The following USP37 variants were observed in gnomAD, a reference collection of about 807,000 sequenced individuals.
The protein encoded by USP37 is ubiquitin specific peptidase 37.
In USP37, 27 loss-of-function variants were observed where a neutral mutation model predicts 124.0. The ratio of observed to expected loss-of-function variants is 0.22; its 90% CI spans 0.16 to 0.30. USP37 has a LOEUF of 0.30. USP37 is among the 10% of genes least tolerant of loss of function. The probability of loss-of-function intolerance (pLI) is 1.00; values close to 1 mark genes in which losing one functional copy is unlikely to be tolerated. For missense variants in USP37, 889 were observed against 1,140.4 expected (o/e 0.78, Z 3.17); for synonymous variants, 365 against 388.0 (o/e 0.94, Z 0.70).
chr2:218,497,928 T>C, intron 12 of USP37, 71 bp from the exon 13 acceptor site: 1 of 1,576,590 alleles, frequency 6.3e-7, no homozygotes, highest in Non-Finnish European at 8.6e-7. Flanking sequence ...GAATAATTAC[T>C]AATAATGGCA....
chr2:218,465,571 A>C (rs1690268701), intron 21 of USP37, among the ~76,000 whole-genome samples: 1 of 152,176 alleles, frequency 6.6e-6, no homozygotes, highest in African/African-American at 2.4e-5. Flanking sequence ...TCAAAAAAAG[A>C]AACACTACCC....
intron 2 of USP37, among the ~76,000 whole-genome samples, chr2:218,562,199 G>A (rs1669225958): frequency 6.6e-6 from 1 of 152,160 alleles, no homozygotes. Flanking sequence ...ACTTGGTTAA[G>A]AGTAAAAAAC....
intron 22 of USP37, among the ~76,000 whole-genome samples, chr2:218,460,204 C>A (rs941807927): frequency 2.0e-5 from 3 of 151,064 alleles, no homozygotes; most frequent in African/African-American, 7.3e-5. Context: ...ATTGCAATGA[C>A]CTGAGATTGC....
chr2:218,482,222 G>C lies in USP37; in HGVS notation c.1683C>G (p.Leu561=), dbSNP rs1357662202. 1.2e-6 allele frequency: 2 copies of C among 1,610,730 alleles called. No homozygotes were observed. The highest frequency in any genetic ancestry group is 2.7e-5 in the African/African-American group (2 of 74,806). ...CATTGAAGCTATATCGTTTCAAATG[G>C]AGAATGAGGACCCTGAAAAACAGGA... The part of the protein sequence containing the change: ...KFNRLPRVLI[L]HLKRYSFNVA... Residue 561 remains leucine, a synonymous_variant, in exon 17 of 26, where the codon CTC becomes CTG. Coordinates refer to ENST00000258399, the MANE Select transcript of USP37 (RefSeq NM_020935.3).
rs567084085 is a variant in USP37, at chr2:218,481,933, C to T, written c.1835+137G>A. On this transcript the variant is annotated intron_variant, in intron 17 of 25. Coordinates refer to ENST00000258399, the MANE Select transcript of USP37 (RefSeq NM_020935.3). ...CCTCCCAAAGTGCTGGGATTACAGG[C>T]ATGAGCCACTGCATCTGGCCATTGA... The T allele has an allele frequency of 2.4e-4, 247 of 1,042,112 alleles. 3 individuals are homozygous for T. In the South Asian group the frequency reaches 4.8e-3, roughly 20 times the overall value. The allele number at this position is 1,042,112 out of a possible 1,614,324, so 64.6% of individuals were successfully genotyped here. A position where few individuals can be genotyped will look rare whatever the true frequency, so the allele number is the denominator to read the frequency against.
rs769052426 is a variant in USP37, at chr2:218,549,829, G to C, written c.409C>G (p.Leu137Val). ...RTSQKETSRQ[L>V]SYSDNQASAK... is the part of the protein sequence containing the mutation. ...CATACCTGATTGTCTGAGTAAGAAA[G>C]CTGCCTGCTGGTTTCCTTCTGTGAG... Residue 137 changes from leucine (L) to valine (V), a missense_variant, in exon 6 of 26, where the codon CTT becomes GTT. Physicochemically the swap from Leu to Val is conservative, Grantham distance 32. Transcript: ENST00000258399. 3 of 1,612,918 alleles carry C rather than the reference G, an allele frequency of 1.9e-6. No homozygotes were observed. The highest frequency in any genetic ancestry group is 2.2e-5 in the South Asian group (2 of 90,936).
At chr2:218,485,438 G>A (rs1691500320) in intron 16 of USP37, among the ~76,000 whole-genome samples, 2 of 152,004 alleles carry the variant, frequency 1.3e-5, no homozygotes, top group Admixed American at 1.3e-4. Context: ...ACAGGCGTGA[G>A]CTATCACACC....
chr2:218,464,179 C>T (rs796730193), intron 21 of USP37, among the ~76,000 whole-genome samples: 6 of 151,232 alleles, frequency 4.0e-5, no homozygotes, highest in African/African-American at 1.5e-4. Flanking sequence ...TTTAAAGCTC[C>T]CCAGTAAATT....
intron 10 of USP37, among the ~76,000 whole-genome samples, chr2:218,515,570 G>A (rs142983401): frequency 3.9e-5 from 6 of 152,210 alleles, no homozygotes; most frequent in African/African-American, 9.6e-5. Context: ...ACACTTAAAC[G>A]TAAAACCTAA....
At chr2:218,553,783 C>T in intron 4 of USP37, 59 bp from the exon 5 acceptor site, 1 of 1,479,280 alleles carries the variant, frequency 6.8e-7, no homozygotes, top group Non-Finnish European at 9.1e-7. Flanking sequence ...GTATAACAAT[C>T]TGTATAATAA....
chr2:218,511,453 C>T (rs899110096), intron 10 of USP37, among the ~76,000 whole-genome samples: 16 of 152,172 alleles, frequency 1.1e-4, no homozygotes, highest in African/African-American at 2.9e-4. Flanking sequence ...GGACTACAGG[C>T]GTGCGCCACC....
chr2:218,467,257 G>A (rs1012931398), intron 20 of USP37, among the ~76,000 whole-genome samples: 6 of 127,948 alleles, frequency 4.7e-5, no homozygotes, highest in African/African-American at 1.5e-4. Context: ...CAATTCTCCC[G>A]CCTCAGACTC....
chr2:218,536,381 C>T (rs1369750008), intron 8 of USP37, among the ~76,000 whole-genome samples: 1 of 152,140 alleles, frequency 6.6e-6, no homozygotes, highest in Non-Finnish European at 1.5e-5. Context: ...ATCTTCACAC[C>T]AACTTATGTT....
At chr2:218,559,001 T>TAAAA (rs35129465) in intron 3 of USP37, among the ~76,000 whole-genome samples, 3 of 143,136 alleles carry the variant, frequency 2.1e-5, no homozygotes. Context: ...AAATATAAGT[T>TAAAA]AAAAAAAAAA....
At position 218,474,519 on chromosome 2, in the gene USP37, G is replaced by A. The variant is rs1690857993; in HGVS notation, c.2299+111C>T. The A allele has an allele frequency of 4.8e-6, 7 of 1,454,202 alleles. No homozygotes were observed. The African/African-American group carries it at 5.7e-5, about 12-fold the overall frequency. The allele number at this position is 1,454,202 out of a possible 1,614,324, so 90.1% of individuals were successfully genotyped here. ...TGGGATTAGGGTCACACACCACCAT[G>A]CTCAGCTAATTTTTCTATTTATCTC... is the stretch of plus-strand genomic sequence containing the variant. On this transcript the variant is annotated intron_variant, in intron 20 of 25. Transcript: ENST00000258399.
At chr2:218,482,313 T>C in intron 16 of USP37, 79 bp from the exon 17 acceptor site, 3 of 1,409,716 alleles carry the variant, frequency 2.1e-6, no homozygotes, top group Non-Finnish European at 2.8e-6. Context: ...GATCACTCTA[T>C]GTTAGACGAC....
rs1200254896 is a variant in USP37, at chr2:218,466,045, G to A, written c.2431C>T (p.Leu811Phe). 3 of 1,612,548 alleles carry A rather than the reference G, an allele frequency of 1.9e-6. No individual in the cohort carries two copies. The South Asian group carries it at 3.3e-5, about 18-fold the overall frequency. ...AGGCTCTGAGCCAGTGCCTGCTGAA[G>A]CTCTTGCTCTTCCCTTTCACGCTCC... is the stretch of plus-strand genomic sequence containing the variant. ...DMEREREEQE[L>F]QQALAQSLQE... Residue 811 changes from leucine (L) to phenylalanine (F), a missense_variant, in exon 21 of 26, where the codon CTT (leucine) becomes TTT (phenylalanine). Leu to Phe is a conservative substitution (Grantham distance 22, BLOSUM62 0). Coordinates refer to ENST00000258399, the MANE Select transcript of USP37 (RefSeq NM_020935.3).
chr2:218,464,453 G>T (rs998287640), intron 21 of USP37, among the ~76,000 whole-genome samples: 1 of 151,720 alleles, frequency 6.6e-6, no homozygotes, highest in Non-Finnish European at 1.5e-5. Context: ...GGCCAGGCTG[G>T]TCTAGAACTC....
chr2:218,453,255 T>C lies in USP37; in HGVS notation c.*1675A>G, dbSNP rs943404005. ...TCTGTGATGATGGTTTGTGTTTTTT[T>C]TGTTTTTGTTTTCGTTTTTTTTAAT... On this transcript the variant is annotated 3_prime_UTR_variant, in exon 26 of 26. Coordinates refer to ENST00000258399, the MANE Select transcript of USP37 (RefSeq NM_020935.3). 6.6e-6 allele frequency: 1 copy of C among 152,008 alleles called. No individual in the cohort carries two copies. Among genetic ancestry groups the C allele is most frequent in the Non-Finnish European group, 1.5e-5 (1 of 68,002 alleles). 9.4% of individuals were successfully genotyped at this position (152,008 alleles called of 1,614,324 possible). A position where few individuals can be genotyped will look rare whatever the true frequency, so the allele number is the denominator to read the frequency against.
Sources: gnomAD v4.1 joint callset for allele counts (sites outside exome capture counted in the v4.1 genomes callset) on GRCh38, gnomAD v4.1.1 for gene constraint, MANE v1.5 for transcripts, NCBI Gene and HGNC (gene_info 2026-07-23, HGNC 2026-07-21) for gene names.